Variants in PRRC2B observed in about 807,000 individuals in gnomAD.
The protein encoded by PRRC2B is proline rich coiled-coil 2B.
In PRRC2B, 68 loss-of-function variants were observed where a neutral mutation model predicts 242.3. That is an observed-to-expected ratio of 0.28 (90% CI 0.23 to 0.34). The LOEUF is 0.34. Ranked by LOEUF, PRRC2B falls within the 10% of genes least tolerant of loss-of-function variation. The pLI, the probability that PRRC2B is intolerant of heterozygous loss-of-function variation, is 1.00. For missense variants in PRRC2B, 2,835 were observed against 2,954.8 expected, an observed-to-expected ratio of 0.96 and a Z score of 0.94; for synonymous variants, 1,228 against 1,173.6, an observed-to-expected ratio of 1.05 and a Z score of -0.95.
Position 131,487,284 on chromosome 9 carries a change from C to G in PRRC2B, c.5974C>G (p.Gln1992Glu). The change falls in exon 27 of 32, where the codon CAG becomes GAG. Residue 1992 changes from glutamine to glutamate, a missense_variant. By Grantham distance (29) the Gln-to-Glu change is conservative (BLOSUM62 2). Coordinates refer to ENST00000683519, the MANE Select transcript of PRRC2B (RefSeq NM_013318.4). This position sits in a 1 kb window ranked among gnomAD's most constrained non-coding sequence, Gnocchi z 5.3. ...GTCCCAGGAGATCTTCAGCTCCTTG[C>G]AGCCCTTCAGGTGAGCTCATGTACC... ...SQSQEIFSSL[Q>E]PFRSQVYMHP... The G allele has an allele frequency of 6.2e-7, 1 of 1,608,690 alleles. No individual in the cohort carries two copies. Among genetic ancestry groups the G allele is most frequent in the Admixed American group, 1.7e-5 (1 of 59,494 alleles).
chr9:131,475,664 C>T lies in PRRC2B; in HGVS notation c.3535C>T (p.Arg1179Trp), dbSNP rs1469607536. ...LKKGDCRDSW[R>W]SNKGCSEDHS... ...GAAGGGCGACTGCAGAGATTCTTGG[C>T]GGTCCAACAAGGGGTGCTCTGAGGA... The change falls in exon 16 of 32, where the codon CGG becomes TGG. Residue 1179 changes from arginine to tryptophan, a missense_variant. Around this residue, in one of 7 missense-constraint regions of PRRC2B, gnomAD observed 1,536 missense variants for 1,483.1 expected, o/e 1.04. Transcript: ENST00000683519. 16 of 1,610,526 alleles carry T rather than the reference C, an allele frequency of 9.9e-6. No homozygotes were observed. The highest frequency in any genetic ancestry group is 3.3e-5 in the South Asian group (3 of 90,828).
intron 3 of PRRC2B, among the ~76,000 whole-genome samples, chr9:131,435,749 A>G (rs954622173): frequency 2.0e-5 from 3 of 152,222 alleles, no homozygotes; most frequent in Admixed American, 6.5e-5. Context: ...TAAAAGCAAA[A>G]GGAAGATCCG....
Position 131,431,224 on chromosome 9 carries a change from G to A in PRRC2B, c.115+965G>A, listed in dbSNP as rs574856216. ...TGGCTCACTGTAAGCTCTGCCTCCC[G>A]GGTTCACGCCATTCTCCTGCCTCAG... On this transcript the variant is annotated intron_variant, in intron 2 of 31. Coordinates refer to ENST00000683519, the MANE Select transcript of PRRC2B (RefSeq NM_013318.4). 3.3e-5 allele frequency among the ~76,000 whole-genome samples: 5 copies of A among 152,010 alleles called. No homozygotes were observed. In the East Asian group the frequency reaches 5.8e-4, roughly 18 times the overall value.
At chr9:131,430,518 G>GATATATATCT in intron 2 of PRRC2B, among the ~76,000 whole-genome samples, 1 of 20,698 alleles carries the variant, frequency 4.8e-5, no homozygotes, top group South Asian at 2.7e-3. Context: ...TCTATAGATA[G>GATATATATCT]ATAGATAGAT....
intron 9 of PRRC2B, among the ~76,000 whole-genome samples, chr9:131,451,360 C>T (rs866207722): frequency 6.6e-6 from 1 of 152,022 alleles, no homozygotes; most frequent in South Asian, 2.1e-4. Flanking sequence ...GATCGTGCCA[C>T]TGCACTCCAG....
chr9:131,406,727 A>G (rs1381643284), intron 1 of PRRC2B, among the ~76,000 whole-genome samples: 2 of 152,076 alleles, frequency 1.3e-5, no homozygotes, highest in African/African-American at 4.8e-5. Context: ...GGAACAGTAT[A>G]TGGTGTTGAT....
rs1228672074 is a variant in PRRC2B at position 131,485,050 on chromosome 9, G to A, written c.5668G>A (p.Ala1890Thr). The change falls in exon 25 of 32, where the codon GCC becomes ACC. Residue 1890 changes from alanine to threonine, a missense_variant. Coordinates refer to ENST00000683519, the MANE Select transcript of PRRC2B (RefSeq NM_013318.4). ...SGIQPPSSVG[A>T]SSGVNYSSFG... ...CATCCAGCCTCCATCCTCTGTGGGT[G>A]CCTCCAGCGGGGTCAACTACAGCTC... 5.6e-6 allele frequency: 9 copies of A among 1,610,758 alleles called. No individual in the cohort carries two copies. The highest frequency in any genetic ancestry group is 5.9e-6 in the Non-Finnish European group (7 of 1,178,462).
At chr9:131,477,974 G>A (rs762490847) in intron 17 of PRRC2B, 25 bp downstream of exon 17, 1 of 1,603,472 alleles carries the variant, frequency 6.2e-7, no homozygotes, top group South Asian at 1.1e-5. Context: ...TATCTTCAGG[G>A]GAAAGAACTC....
chr9:131,483,584 G>A (rs1293598594), intron 23 of PRRC2B, 139 bp downstream of exon 23: 2 of 733,272 alleles, frequency 2.7e-6, no homozygotes, highest in Middle Eastern at 3.8e-4. Context: ...TCCTTAAAAG[G>A]TGCTTAAATG....
At chr9:131,471,111 C>T in intron 14 of PRRC2B, 128 bp downstream of exon 14, 1 of 599,644 alleles carries the variant, frequency 1.7e-6, no homozygotes, top group Non-Finnish European at 2.9e-6. Context: ...CACAACTGGT[C>T]TGAGTTTCAA....
chr9:131,495,462 G>A (rs1423174267), intron 31 of PRRC2B, among the ~76,000 whole-genome samples: 1 of 152,178 alleles, frequency 6.6e-6, no homozygotes, highest in Non-Finnish European at 1.5e-5. Flanking sequence ...CTTCCGCCCT[G>A]GGATGTGCCA....
At chr9:131,386,135 T>C (rs1483055025) in intron 1 of PRRC2B, among the ~76,000 whole-genome samples, 1 of 146,400 alleles carries the variant, frequency 6.8e-6, no homozygotes. Flanking sequence ...TTTTAAGAGA[T>C]AGGGTCTTGC....
At chr9:131,380,993 G>C (rs1398738488) in intron 1 of PRRC2B, among the ~76,000 whole-genome samples, 3 of 151,178 alleles carry the variant, frequency 2.0e-5, no homozygotes, top group Middle Eastern at 3.4e-3. Context: ...TCACTTTTTT[G>C]ACATCAGGTT....
At chr9:131,379,495 C>A (rs933181620) in intron 1 of PRRC2B, among the ~76,000 whole-genome samples, 2 of 152,030 alleles carry the variant, frequency 1.3e-5, no homozygotes, top group African/African-American at 4.8e-5. Flanking sequence ...CTAGTGGGTA[C>A]AAAGTTGTAT....
chr9:131,440,747 G>T (rs2131341412), intron 5 of PRRC2B, among the ~76,000 whole-genome samples: 1 of 152,276 alleles, frequency 6.6e-6, no homozygotes, highest in East Asian at 1.9e-4. Context: ...GTTTTCTATT[G>T]ATTTGGCAAG....
intron 1 of PRRC2B, among the ~76,000 whole-genome samples, chr9:131,377,521 G>T (rs532248745): frequency 6.6e-6 from 1 of 152,116 alleles, no homozygotes; most frequent in East Asian, 1.9e-4. Context: ...GTGTGTGTGT[G>T]TGTGTGATGG....
At chr9:131,382,102 C>T (rs1183985889) in intron 1 of PRRC2B, among the ~76,000 whole-genome samples, 1 of 151,902 alleles carries the variant, frequency 6.6e-6, no homozygotes, top group Non-Finnish European at 1.5e-5. Flanking sequence ...CTGCAACCTC[C>T]GCCTCCTTGG....
chr9:131,450,456 A>G (rs560267614), intron 9 of PRRC2B, among the ~76,000 whole-genome samples: 26 of 152,156 alleles, frequency 1.7e-4, no homozygotes, highest in African/African-American at 5.3e-4. Context: ...TAGTAGAGAC[A>G]GGGTTTCACC....
At chr9:131,452,659 A>G (rs1942957948) in intron 9 of PRRC2B, among the ~76,000 whole-genome samples, 2 of 152,062 alleles carry the variant, frequency 1.3e-5, no homozygotes, top group Admixed American at 6.5e-5. Context: ...AGCTTTTAGC[A>G]TTGTTCATTT....
Sources: allele counts gnomAD v4.1 joint callset (sites outside exome capture counted in the v4.1 genomes callset), GRCh38; gene constraint gnomAD v4.1.1; regional missense constraint gnomAD v4.1.1; non-coding constraint Gnocchi (gnomAD v3.1); transcripts MANE v1.5; gene names NCBI Gene and HGNC (gene_info 2026-07-23, HGNC 2026-07-21).